The following ELL variants were observed in gnomAD, a reference collection of about 807,000 sequenced individuals.
The protein encoded by ELL is elongation factor for RNA polymerase II, also known as RNA polymerase II elongation factor ELL.
Under a neutral mutation model 64.0 loss-of-function variants are expected in ELL, and 18 were observed. That is an observed-to-expected ratio of 0.28 (90% confidence interval 0.19 to 0.42). The LOEUF (loss-of-function observed/expected upper bound fraction) is 0.42, where lower values mean the gene tolerates loss of function less well. ELL is among the 10% of genes least tolerant of loss of function. The pLI, the probability that ELL is intolerant of heterozygous loss-of-function variation, is 1.00. For missense variants in ELL, 797 were observed against 870.4 expected (o/e 0.92, Z 1.06); for synonymous variants, 399 against 376.2 (o/e 1.06, Z -0.70).
intron 1 of ELL, among the ~76,000 whole-genome samples, chr19:18,513,975 C>T (rs923606320): frequency 6.6e-6 from 1 of 151,944 alleles, no homozygotes; most frequent in African/African-American, 2.4e-5. Context: ...TTCAGTTATT[C>T]CACAAACTTG....
intron 8 of ELL, among the ~76,000 whole-genome samples, chr19:18,447,544 C>A (rs1468799233): frequency 6.6e-6 from 1 of 152,228 alleles, no homozygotes; most frequent in Non-Finnish European, 1.5e-5. Flanking sequence ...AGCAGCACAG[C>A]TGATGGCTAG....
Position 18,442,901 on chromosome 19 carries a change from G to T in ELL, c.*1851C>A. ...AAAAAAAAATAGTATCAATAAGTTAGACCATATTTAATCAGCTAGAACTTT... is the reference window on the plus strand; with the variant it reads ...AAAAAAAAATAGTATCAATAAGTTATACCATATTTAATCAGCTAGAACTTT... On this transcript the variant is annotated 3_prime_UTR_variant, in exon 12 of 12. Coordinates refer to ENST00000262809, the MANE Select transcript of ELL (RefSeq NM_006532.4). 1 of 229,560 alleles carries T rather than the reference G, an allele frequency of 4.4e-6. No individual in the cohort carries two copies. The allele number at this position is 229,560 out of a possible 1,614,324, so 14.2% of individuals were successfully genotyped here. A position where few individuals can be genotyped will look rare whatever the true frequency, so the allele number is the denominator to read the frequency against.
rs763433837 is a variant in ELL, at chr19:18,522,069, C to T, written c.-14G>A. On this transcript the variant is annotated 5_prime_UTR_variant, in exon 1 of 12. Transcript: ENST00000262809. ...CAGCGCCGCCATCTTGCGACCATCT[C>T]TCCCCCGCGCCCCCTTCCCGGCTCC... 6.3e-7 allele frequency: 1 copy of T among 1,590,488 alleles called. No individual in the cohort carries two copies. Among genetic ancestry groups the T allele is most frequent in the Non-Finnish European group, 8.6e-7 (1 of 1,166,738 alleles).
intron 1 of ELL, among the ~76,000 whole-genome samples, chr19:18,507,977 C>T (rs549068149): frequency 6.6e-6 from 1 of 152,332 alleles, no homozygotes; most frequent in East Asian, 1.9e-4. Flanking sequence ...GCCAGCCCTT[C>T]CCATCCAGGC....
intron 6 of ELL, among the ~76,000 whole-genome samples, chr19:18,452,421 G>C (rs1361599634): frequency 6.6e-6 from 1 of 152,250 alleles, no homozygotes; most frequent in Non-Finnish European, 1.5e-5. Context: ...CCTGAGAGGA[G>C]AGCCATGTGG....
At chr19:18,472,226 G>T (rs749411781) in intron 2 of ELL, among the ~76,000 whole-genome samples, 2 of 152,088 alleles carry the variant, frequency 1.3e-5, no homozygotes, top group Non-Finnish European at 2.9e-5. Flanking sequence ...GCATCCCAAA[G>T]TCCTGGGATT....
chr19:18,449,953 A>T lies in ELL; in HGVS notation c.1465+524T>A, dbSNP rs770855398. 3.3e-5 allele frequency among the ~76,000 whole-genome samples: 5 copies of T among 151,438 alleles called. No individual in the cohort carries two copies. The highest frequency in any genetic ancestry group is 5.9e-5 in the Non-Finnish European group (4 of 67,860). ...CTGCCAGGCCCTGTCCCCACAGCAG[A>T]AACCTACAGTCCACAACAGTCGCAC... On this transcript the variant is annotated intron_variant, in intron 8 of 11. Coordinates refer to ENST00000262809, the MANE Select transcript of ELL (RefSeq NM_006532.4). The surrounding 1 kb of genome is among the most constrained non-coding windows in gnomAD (Gnocchi z 4.4).
At chr19:18,480,197 C>T (rs758995207) in intron 1 of ELL, among the ~76,000 whole-genome samples, 3 of 152,232 alleles carry the variant, frequency 2.0e-5, no homozygotes, top group Non-Finnish European at 4.4e-5. Flanking sequence ...GAGCCCTGGA[C>T]GGTGGCCTCC....
chr19:18,498,783 C>G (rs970636698), intron 1 of ELL, among the ~76,000 whole-genome samples: 2 of 152,150 alleles, frequency 1.3e-5, no homozygotes. Flanking sequence ...AACCCTGTCT[C>G]TACTAAAAAT....
intron 1 of ELL, among the ~76,000 whole-genome samples, chr19:18,483,489 C>T (rs1975348828): frequency 6.6e-6 from 1 of 152,176 alleles, no homozygotes; most frequent in Non-Finnish European, 1.5e-5. Context: ...AAATCACACG[C>T]AAGGACTCGT....
Position 18,499,659 on chromosome 19 carries a change from T to G in ELL, c.135+22262A>C, listed in dbSNP as rs575521966. ...CATCTGTAAAATGGGAATAACCCCA[T>G]CCTCCCTTTCAGGGGCCACAGTCAG... On this transcript the variant is annotated intron_variant, in intron 1 of 11. Transcript: ENST00000262809. Among the ~76,000 whole-genome samples, 19 of 151,916 alleles carry G rather than the reference T, an allele frequency of 1.3e-4. No individual in the cohort carries two copies. In the South Asian group the frequency reaches 4.0e-3, roughly 32 times the overall value.
At chr19:18,512,785 G>A (rs948917981) in intron 1 of ELL, among the ~76,000 whole-genome samples, 1 of 152,136 alleles carries the variant, frequency 6.6e-6, no homozygotes, top group Non-Finnish European at 1.5e-5. Context: ...ACCTTCACCT[G>A]AATTGGGAAG....
At chr19:18,510,824 C>A (rs538634616) in intron 1 of ELL, among the ~76,000 whole-genome samples, 1 of 152,176 alleles carries the variant, frequency 6.6e-6, no homozygotes, top group Non-Finnish European at 1.5e-5. Context: ...AAATTAAACA[C>A]AGAATGACCA....
At chr19:18,495,938 T>C (rs897083517) in intron 1 of ELL, among the ~76,000 whole-genome samples, 1 of 152,206 alleles carries the variant, frequency 6.6e-6, no homozygotes, top group African/African-American at 2.4e-5. Flanking sequence ...TCCCGCCACA[T>C]GGGCCTGAAA....
chr19:18,453,491 G>A (rs1330874304), intron 6 of ELL, among the ~76,000 whole-genome samples: 2 of 152,154 alleles, frequency 1.3e-5, no homozygotes, highest in Non-Finnish European at 1.5e-5. Context: ...CCTGCAAGGA[G>A]CAATAATGAA....
At chr19:18,503,991 T>C (rs368994361) in intron 1 of ELL, among the ~76,000 whole-genome samples, 1 of 152,004 alleles carries the variant, frequency 6.6e-6, no homozygotes, top group Non-Finnish European at 1.5e-5. Context: ...CTCACTCACA[T>C]CCCCCCGCCT....
chr19:18,479,582 G>A (rs1247125535), intron 1 of ELL, among the ~76,000 whole-genome samples: 2 of 151,674 alleles, frequency 1.3e-5, no homozygotes, highest in African/African-American at 4.8e-5. Flanking sequence ...GGTGGCATAC[G>A]CCTATAATCC....
At position 18,514,978 on chromosome 19, in the gene ELL, T is replaced by C. The variant is rs1045211055; in HGVS notation, c.135+6943A>G. Among the ~76,000 whole-genome samples, 11 of 152,286 alleles carry C rather than the reference T, an allele frequency of 7.2e-5. No homozygotes were observed. The South Asian group carries it at 1.5e-3, about 20-fold the overall frequency. ...GGGTTCCTCCCTCAAGGTCTCCCAG[T>C]CGGGATGTCACAATCCGGGTGTGAT... On this transcript the variant is annotated intron_variant, in intron 1 of 11. Coordinates refer to ENST00000262809, the MANE Select transcript of ELL (RefSeq NM_006532.4).
chr19:18,503,709 G>A (rs1003576368), intron 1 of ELL, among the ~76,000 whole-genome samples: 3 of 152,154 alleles, frequency 2.0e-5, no homozygotes, highest in Non-Finnish European at 4.4e-5. Flanking sequence ...TGGAGCCAGC[G>A]GGAGTGGAGA....
Sources: gnomAD v4.1 joint callset for allele counts (sites outside exome capture counted in the v4.1 genomes callset) on GRCh38, gnomAD v4.1.1 for gene constraint, Gnocchi (gnomAD v3.1) non-coding constraint, MANE v1.5 for transcripts, NCBI Gene and HGNC (gene_info 2026-07-23, HGNC 2026-07-21) for gene names.